Variants in CCSER1 observed in about 807,000 individuals in gnomAD.
CCSER1 encodes serine-rich coiled-coil domain-containing protein 1.
CCSER1 carries 41 observed loss-of-function variants against 82.0 expected under a neutral mutation model. The ratio of observed to expected loss-of-function variants is 0.50; its 90% confidence interval spans 0.39 to 0.65. The LOEUF is 0.65. Among genes scored for constraint, CCSER1 ranks in the 30% least tolerant of loss-of-function variants. The pLI, the probability that CCSER1 is intolerant of heterozygous loss-of-function variation, is 0.00. For missense variants in CCSER1, 1,119 were observed against 1,064.2 expected (o/e 1.05, Z -0.72); for synonymous variants, 414 against 383.9 (o/e 1.08, Z -0.92).
intron 3 of CCSER1, among the ~76,000 whole-genome samples, chr4:90,344,550 G>A (rs892902641): frequency 6.6e-6 from 1 of 151,940 alleles, no homozygotes; most frequent in Non-Finnish European, 1.5e-5. Context: ...TTGTGAAATC[G>A]GAAATGCATT....
intron 7 of CCSER1, among the ~76,000 whole-genome samples, chr4:90,765,208 A>C (rs1451077191): frequency 6.6e-6 from 1 of 152,174 alleles, no homozygotes; most frequent in African/African-American, 2.4e-5. Flanking sequence ...AATAACATTT[A>C]ACAAGCTGTA....
intron 8 of CCSER1, chr4:90,911,110 G>A (rs1438013141): frequency 2.8e-6 from 1 of 354,044 alleles, no homozygotes; most frequent in Non-Finnish European, 5.5e-6. Flanking sequence ...GAGCCAGCCT[G>A]TGTTCTTATT....
chr4:90,365,872 A>G (rs988727581), intron 3 of CCSER1, among the ~76,000 whole-genome samples: 3 of 152,054 alleles, frequency 2.0e-5, no homozygotes, highest in South Asian at 2.1e-4. Flanking sequence ...TCAATTATAC[A>G]TGTGAGATTA....
intron 10 of CCSER1, among the ~76,000 whole-genome samples, chr4:91,418,366 T>A (rs1753503667): frequency 7.4e-6 from 1 of 134,708 alleles, no homozygotes. Flanking sequence ...AGAGTGAGAC[T>A]CAAATAAATA....
chr4:90,782,604 G>A (rs977455610), intron 7 of CCSER1, among the ~76,000 whole-genome samples: 1 of 152,076 alleles, frequency 6.6e-6, no homozygotes, highest in African/African-American at 2.4e-5. Flanking sequence ...CGGTGAAAAA[G>A]GGGATTGTTT....
intron 9 of CCSER1, among the ~76,000 whole-genome samples, chr4:90,944,420 A>G (rs985230004): frequency 1.3e-5 from 2 of 152,136 alleles, no homozygotes; most frequent in African/African-American, 2.4e-5. Flanking sequence ...CTTAAGGAAC[A>G]TATTATTCAT....
intron 3 of CCSER1, among the ~76,000 whole-genome samples, chr4:90,386,117 A>T (rs1750004106): frequency 6.6e-6 from 1 of 152,218 alleles, no homozygotes; most frequent in Admixed American, 6.5e-5. Context: ...AATTTCTATC[A>T]AAATACCACC....
chr4:90,933,792 GT>G (rs2150306182), intron 9 of CCSER1, among the ~76,000 whole-genome samples: 1 of 151,224 alleles, frequency 6.6e-6, no homozygotes, highest in African/African-American at 2.4e-5. Context: ...CTTCATATAT[GT>G]TTTTGACATG....
intron 8 of CCSER1, among the ~76,000 whole-genome samples, chr4:90,816,686 C>T (rs1330917988): frequency 6.6e-6 from 1 of 152,012 alleles, no homozygotes; most frequent in African/African-American, 2.4e-5. Context: ...GACTCATTAT[C>T]AAGATCAAGA....
chr4:90,590,221 C>T (rs1405939840), intron 5 of CCSER1, among the ~76,000 whole-genome samples: 1 of 152,048 alleles, frequency 6.6e-6, no homozygotes, highest in Non-Finnish European at 1.5e-5. Flanking sequence ...TTGCACTGGG[C>T]CAAGATCATG....
intron 5 of CCSER1, among the ~76,000 whole-genome samples, chr4:90,504,554 G>A (rs1258022657): frequency 1.3e-5 from 2 of 152,242 alleles, no homozygotes; most frequent in East Asian, 1.9e-4. Context: ...AGACTGCCTA[G>A]TGACTAGTTC....
At chr4:91,052,184 A>C (rs1743065047) in intron 9 of CCSER1, among the ~76,000 whole-genome samples, 1 of 152,052 alleles carries the variant, frequency 6.6e-6, no homozygotes, top group Non-Finnish European at 1.5e-5. Flanking sequence ...TTTATTTGCT[A>C]TCGTTATATA....
In CCSER1 at chr4:91,501,056, A is replaced by C. The variant is rs181739024; in HGVS notation, c.2218-97516A>C. Among the ~76,000 whole-genome samples, 3 of 151,896 alleles carry C rather than the reference A, an allele frequency of 2.0e-5. No homozygotes were observed. In the East Asian group the frequency reaches 5.8e-4, roughly 29 times the overall value. On this transcript the variant is annotated intron_variant, in intron 10 of 10. Transcript: ENST00000509176. ...TTAATAATTATAGATTAGTTGTTCT[A>C]TTTATATTAATATAGTCTGACCCTA...
chr4:90,763,647 C>T (rs1750751536), intron 7 of CCSER1, among the ~76,000 whole-genome samples: 1 of 152,074 alleles, frequency 6.6e-6, no homozygotes, highest in Non-Finnish European at 1.5e-5. Flanking sequence ...GTTTATGTCC[C>T]ACAGTTCTGC....
At chr4:90,804,353 G>A (rs561611938) in intron 7 of CCSER1, among the ~76,000 whole-genome samples, 21 of 152,116 alleles carry the variant, frequency 1.4e-4, no homozygotes, top group African/African-American at 5.1e-4. Flanking sequence ...TAGGTTTTAC[G>A]TTTAAGTCTT....
intron 10 of CCSER1, among the ~76,000 whole-genome samples, chr4:91,495,869 G>C (rs1376524780): frequency 6.6e-6 from 1 of 151,470 alleles, no homozygotes; most frequent in African/African-American, 2.4e-5. Flanking sequence ...AATGAGTACT[G>C]GGTAAAATTA....
At chr4:90,393,778 T>TA (rs200070904) in intron 3 of CCSER1, among the ~76,000 whole-genome samples, 3,431 of 146,330 alleles carry the variant, frequency 0.023, 152 homozygotes, top group African/African-American at 0.083. Flanking sequence ...CTTCCTTTTT[T>TA]TTTTTTTTTT....
chr4:91,108,404 G>A (rs374991583), intron 10 of CCSER1, among the ~76,000 whole-genome samples: 6 of 152,158 alleles, frequency 3.9e-5, no homozygotes, highest in Admixed American at 6.5e-5. Context: ...TGGCTTATTC[G>A]AATTTGTATT....
intron 10 of CCSER1, among the ~76,000 whole-genome samples, chr4:91,550,844 C>T (rs1433723662): frequency 6.6e-6 from 1 of 152,146 alleles, no homozygotes; most frequent in African/African-American, 2.4e-5. Context: ...GCAAAGCAAA[C>T]TTCCATCTCC....
Sources: allele counts gnomAD v4.1 joint callset (sites outside exome capture counted in the v4.1 genomes callset), GRCh38; gene constraint gnomAD v4.1.1; transcripts MANE v1.5; gene names NCBI Gene and HGNC (gene_info 2026-07-23, HGNC 2026-07-21).